NAALADL2: variants seen among roughly 807,000 people sequenced by gnomAD.
NAALADL2 encodes the protein N-acetylated alpha-linked acidic dipeptidase like 2, also known as inactive N-acetylated-alpha-linked acidic dipeptidase-like protein 2.
Under a neutral mutation model 87.2 loss-of-function variants are expected in NAALADL2, and 76 were observed. That is an observed-to-expected ratio of 0.87 (90% CI 0.72 to 1.05). The LOEUF is 1.05. Among genes scored for constraint, NAALADL2 ranks in the 50% least tolerant of loss-of-function variants. The pLI is 0.00. For missense variants in NAALADL2, 1,089 were observed against 945.8 expected, an observed-to-expected ratio of 1.15 and a Z score of -1.99; for synonymous variants, 354 against 331.0, an observed-to-expected ratio of 1.07 and a Z score of -0.75.
chr3:175,767,164 A>C lies in NAALADL2; in HGVS notation c.2189+11746A>C, dbSNP rs2150165681. 1.3e-5 allele frequency among the ~76,000 whole-genome samples: 2 copies of C among 152,232 alleles called. 1 individual carries two copies. The highest frequency in any genetic ancestry group is 3.9e-4 in the East Asian group (2 of 5,176). On this transcript the variant is annotated intron_variant, in intron 13 of 13. Transcript: ENST00000454872. Reference sequence around the variant, plus strand: ...GCCACTACACTTGAGTGTGCTGCTTAACCAGTCTGCTTGCTAAAAACACAA... The same window carrying C: ...GCCACTACACTTGAGTGTGCTGCTTCACCAGTCTGCTTGCTAAAAACACAA...
At chr3:175,048,950 G>A (rs1755020813) in intron 1 of NAALADL2, among the ~76,000 whole-genome samples, 1 of 152,050 alleles carries the variant, frequency 6.6e-6, no homozygotes, top group South Asian at 2.1e-4. Flanking sequence ...AGTTTCCTAA[G>A]CTTTATTTTC....
intron 10 of NAALADL2, among the ~76,000 whole-genome samples, chr3:175,602,320 TTA>T (rs1723071239): frequency 1.3e-5 from 2 of 152,068 alleles, no homozygotes; most frequent in South Asian, 2.1e-4. Context: ...ACTAATTAAT[TTA>T]AAACATTTGT....
At chr3:175,097,676 A>T (rs1721391866) in intron 2 of NAALADL2, among the ~76,000 whole-genome samples, 1 of 152,148 alleles carries the variant, frequency 6.6e-6, no homozygotes, top group Admixed American at 6.6e-5. Flanking sequence ...TCAGAATAAA[A>T]TAAACCTGCT....
chr3:174,522,841 G>A (rs1354944602), intron 1 of NAALADL2, among the ~76,000 whole-genome samples: 2 of 149,506 alleles, frequency 1.3e-5, no homozygotes, highest in Non-Finnish European at 3.0e-5. Context: ...GGCTGAGGCA[G>A]GAGAATGGCG....
intron 1 of NAALADL2, among the ~76,000 whole-genome samples, chr3:174,986,477 T>C (rs9845886): frequency 0.095 from 14,424 of 151,874 alleles, 1,618 homozygotes; most frequent in African/African-American, 0.27. Context: ...TTTCTCATAG[T>C]ATTATTTCTC....
At chr3:175,405,682 TAACAATG>T (rs1712205657) in intron 5 of NAALADL2, among the ~76,000 whole-genome samples, 1 of 150,380 alleles carries the variant, frequency 6.6e-6, no homozygotes, top group African/African-American at 2.4e-5. Context: ...GCTGGAGAAA[TAACAATG>T]AACAATGAAT....
rs1056893015 is a variant in NAALADL2 at position 175,037,066 on chromosome 3, T to G, written c.44-59724T>G. 5.9e-5 allele frequency among the ~76,000 whole-genome samples: 9 copies of G among 152,168 alleles called. No homozygotes were observed. The East Asian group carries it at 1.8e-3, about 30-fold the overall frequency. On this transcript the variant is annotated intron_variant, in intron 1 of 13. Transcript: ENST00000454872. ...GTACCCTGCTTGGGCCTCCTTTAAC[T>G]ACGTTTCTCACCCATGAAGTCAAAC...
At chr3:175,786,987 T>C (rs1246416952) in intron 13 of NAALADL2, among the ~76,000 whole-genome samples, 1 of 151,962 alleles carries the variant, frequency 6.6e-6, no homozygotes, top group Non-Finnish European at 1.5e-5. Flanking sequence ...GGTGTCAGAG[T>C]GCCCCTGCTG....
intron 2 of NAALADL2, among the ~76,000 whole-genome samples, chr3:175,214,919 C>CAT (rs1742283698): frequency 1.3e-5 from 2 of 151,996 alleles, no homozygotes; most frequent in African/African-American, 4.8e-5. Context: ...ACTTGACACA[C>CAT]ACAAAAAAAT....
At chr3:175,202,232 C>G (rs967534600) in intron 2 of NAALADL2, among the ~76,000 whole-genome samples, 1 of 152,144 alleles carries the variant, frequency 6.6e-6, no homozygotes, top group Non-Finnish European at 1.5e-5. Context: ...AGCTGATCAG[C>G]TTCCTTTGTC....
intron 2 of NAALADL2, among the ~76,000 whole-genome samples, chr3:175,176,784 G>A (rs1244004785): frequency 6.6e-6 from 1 of 152,008 alleles, no homozygotes; most frequent in Non-Finnish European, 1.5e-5. Flanking sequence ...TTAGAAGTGG[G>A]AAAGGCAAGG....
intron 1 of NAALADL2, among the ~76,000 whole-genome samples, chr3:174,957,809 G>A (rs1050280857): frequency 6.6e-6 from 1 of 151,942 alleles, no homozygotes; most frequent in African/African-American, 2.4e-5. Flanking sequence ...AAGAAGCTTT[G>A]AGGCTCAGTG....
chr3:174,853,382 A>AAC (rs1166035415), intron 3 of NAALADL2, among the ~76,000 whole-genome samples: 8 of 150,400 alleles, frequency 5.3e-5, no homozygotes, highest in African/African-American at 1.9e-4. Flanking sequence ...ATCTCAAAAA[A>AAC]AAAAAAAAAA....
At chr3:175,674,205 T>G (rs1249190029) in intron 11 of NAALADL2, among the ~76,000 whole-genome samples, 3 of 152,068 alleles carry the variant, frequency 2.0e-5, no homozygotes, top group African/African-American at 7.2e-5. Context: ...AAGATTAAAA[T>G]TCTTGCATTT....
At chr3:174,589,542 A>T (rs565669293) in intron 2 of NAALADL2, among the ~76,000 whole-genome samples, 1 of 152,234 alleles carries the variant, frequency 6.6e-6, no homozygotes, top group Non-Finnish European at 1.5e-5. Context: ...GCAAATTACC[A>T]TTCATTGAGA....
chr3:175,485,829 A>G (rs1382018108), intron 9 of NAALADL2, among the ~76,000 whole-genome samples: 1 of 152,170 alleles, frequency 6.6e-6, no homozygotes, highest in Admixed American at 6.5e-5. Context: ...GCATCCTTCA[A>G]TGCAATCATG....
chr3:174,457,178 G>T (rs2108284482), intron 1 of NAALADL2, among the ~76,000 whole-genome samples: 1 of 152,126 alleles, frequency 6.6e-6, no homozygotes, highest in Non-Finnish European at 1.5e-5. Context: ...TGTCAAAATG[G>T]CTATTACTAA....
At chr3:174,829,384 C>A (rs866382609) in intron 3 of NAALADL2, among the ~76,000 whole-genome samples, 1 of 149,292 alleles carries the variant, frequency 6.7e-6, no homozygotes, top group Admixed American at 6.7e-5. Flanking sequence ...TTTGTTCTTG[C>A]GATAGTTTAC....
intron 1 of NAALADL2, among the ~76,000 whole-genome samples, chr3:174,864,934 A>G (rs1726961143): frequency 6.6e-6 from 1 of 152,064 alleles, no homozygotes; most frequent in Non-Finnish European, 1.5e-5. Context: ...TGTTATTAGG[A>G]TGACAATACA....
Sources: gnomAD v4.1 joint callset for allele counts (sites outside exome capture counted in the v4.1 genomes callset) on GRCh38, gnomAD v4.1.1 for gene constraint, MANE v1.5 for transcripts, NCBI Gene and HGNC (gene_info 2026-07-23, HGNC 2026-07-21) for gene names.